LHFPL3: variants seen among roughly 807,000 people sequenced by gnomAD.
LHFPL3 encodes LHFPL tetraspan subfamily member 3 protein.
In LHFPL3, 5 loss-of-function variants were observed where a neutral mutation model predicts 19.3. The ratio of observed to expected loss-of-function variants is 0.26; its 90% CI spans 0.14 to 0.54. LHFPL3 has a LOEUF of 0.54. Among genes scored for constraint, LHFPL3 ranks in the 20% least tolerant of loss-of-function variants. LHFPL3 has a pLI of 0.94. For synonymous variants in LHFPL3, 133 were observed against 126.2 expected (o/e 1.05, Z -0.36); for missense variants, 249 against 307.4 (o/e 0.81, Z 1.42).
intron 1 of LHFPL3, among the ~76,000 whole-genome samples, chr7:104,685,346 A>T (rs1792784357): frequency 6.6e-6 from 1 of 152,230 alleles, no homozygotes; most frequent in Admixed American, 6.5e-5. Context: ...ATTCTGCTCA[A>T]GAGAAAAATA....
At position 104,855,644 on chromosome 7, in the gene LHFPL3, G is replaced by A. The variant is rs577648171; in HGVS notation, c.683-50543G>A. 2.4e-5 allele frequency among the ~76,000 whole-genome samples: 3 copies of A among 124,992 alleles called. No homozygotes were observed. The East Asian group carries it at 6.6e-4, about 27-fold the overall frequency. The allele number at this position is 124,992 out of a possible 152,430, so 82.0% of individuals were successfully genotyped here. On this transcript the variant is annotated intron_variant, in intron 2 of 2. Coordinates refer to ENST00000424859, the MANE Select transcript of LHFPL3 (RefSeq NM_199000.3). Reference sequence around the variant, plus strand: ...ATTTTTCTTTCTTTTTTTTTTTTTAGTCGGAGCCTCGCTCTGTCACCCAGT... The same window carrying A: ...ATTTTTCTTTCTTTTTTTTTTTTTAATCGGAGCCTCGCTCTGTCACCCAGT...
intron 1 of LHFPL3, among the ~76,000 whole-genome samples, chr7:104,523,474 A>G (rs1264123859): frequency 6.6e-6 from 1 of 152,204 alleles, no homozygotes; most frequent in Non-Finnish European, 1.5e-5. Context: ...TATATGAAGT[A>G]AAATACAATT....
At chr7:104,599,011 C>T (rs1790915895) in intron 1 of LHFPL3, among the ~76,000 whole-genome samples, 1 of 152,128 alleles carries the variant, frequency 6.6e-6, no homozygotes, top group Non-Finnish European at 1.5e-5. Flanking sequence ...TCTCTTAATT[C>T]CATTTTTCCA....
intron 1 of LHFPL3, among the ~76,000 whole-genome samples, chr7:104,658,973 T>C (rs1176830366): frequency 6.6e-6 from 1 of 152,186 alleles, no homozygotes; most frequent in Non-Finnish European, 1.5e-5. Flanking sequence ...CATTACTTTA[T>C]TAGATCCTCA....
chr7:104,483,465 T>G (rs1793176528), intron 1 of LHFPL3, among the ~76,000 whole-genome samples: 1 of 152,226 alleles, frequency 6.6e-6, no homozygotes, highest in Non-Finnish European at 1.5e-5. Flanking sequence ...TACATAGTTA[T>G]TTTTACTGTT....
intron 1 of LHFPL3, among the ~76,000 whole-genome samples, chr7:104,424,360 G>T (rs1791797101): frequency 6.6e-6 from 1 of 152,208 alleles, no homozygotes; most frequent in Non-Finnish European, 1.5e-5. Flanking sequence ...ACAGAAAGAA[G>T]AAAGGCCTTC....
chr7:104,559,549 G>A (rs1039243989), intron 1 of LHFPL3, among the ~76,000 whole-genome samples: 18 of 151,796 alleles, frequency 1.2e-4, no homozygotes, highest in Non-Finnish European at 1.9e-4. Flanking sequence ...AGACTTTGCT[G>A]AAGTTGCTTA....
At chr7:104,329,396 G>A (rs1801528074) in intron 1 of LHFPL3, among the ~76,000 whole-genome samples, 172 bp downstream of exon 1, 1 of 152,208 alleles carries the variant, frequency 6.6e-6, no homozygotes, top group Non-Finnish European at 1.5e-5. Context: ...AACCCCCGGG[G>A]TTCCCCAGCC....
chr7:104,585,467 G>C (rs1487281007), intron 1 of LHFPL3, among the ~76,000 whole-genome samples: 1 of 58,472 alleles, frequency 1.7e-5, no homozygotes, highest in Non-Finnish European at 4.0e-5. Flanking sequence ...AGTGGAATAA[G>C]GCAACACACA....
In LHFPL3 at chr7:104,906,502, G is replaced by A; in HGVS notation, c.*287G>A. The stretch of plus-strand genomic sequence containing the variant: ...AACGTTCATGAAAAATCATATTCAG[G>A]AAATAAGGAAGAGGAATATAAATGC... On this transcript the variant is annotated 3_prime_UTR_variant, in exon 3 of 3. Coordinates refer to ENST00000424859, the MANE Select transcript of LHFPL3 (RefSeq NM_199000.3). 2.3e-6 allele frequency: 1 copy of A among 432,880 alleles called. No homozygotes were observed. The highest frequency in any genetic ancestry group is 2.0e-5 in the African/African-American group (1 of 49,952). The allele number at this position is 432,880 out of a possible 1,614,324, so 26.8% of individuals were successfully genotyped here.
At chr7:104,590,497 T>A (rs1790688845) in intron 1 of LHFPL3, among the ~76,000 whole-genome samples, 1 of 152,226 alleles carries the variant, frequency 6.6e-6, no homozygotes, top group South Asian at 2.1e-4. Context: ...ATAATTTCTG[T>A]TCTTTTACAT....
At chr7:104,422,753 G>A (rs1451972355) in intron 1 of LHFPL3, among the ~76,000 whole-genome samples, 1 of 152,130 alleles carries the variant, frequency 6.6e-6, no homozygotes, top group African/African-American at 2.4e-5. Context: ...TACCAAAAAA[G>A]ATTCACAGAC....
At chr7:104,682,911 G>C (rs2116097994) in intron 1 of LHFPL3, among the ~76,000 whole-genome samples, 1 of 152,284 alleles carries the variant, frequency 6.6e-6, no homozygotes, top group Non-Finnish European at 1.5e-5. Flanking sequence ...AACACAAACT[G>C]CCACTGCTAG....
At chr7:104,851,339 G>T (rs1791411384) in intron 2 of LHFPL3, among the ~76,000 whole-genome samples, 1 of 152,188 alleles carries the variant, frequency 6.6e-6, no homozygotes, top group African/African-American at 2.4e-5. Context: ...CTCTGGGCTG[G>T]TTGGCTGGGC....
chr7:104,756,960 A>C (rs1794296707), intron 2 of LHFPL3, among the ~76,000 whole-genome samples: 2 of 152,216 alleles, frequency 1.3e-5, no homozygotes, highest in Admixed American at 6.5e-5. Context: ...AATATTTTTT[A>C]AATGTAACAT....
chr7:104,669,316 G>A, intron 1 of LHFPL3: 3 of 1,613,934 alleles, frequency 1.9e-6, no homozygotes, highest in South Asian at 2.2e-5. Flanking sequence ...AGGAAGGAAA[G>A]ATGAAAATAA....
intron 1 of LHFPL3, among the ~76,000 whole-genome samples, chr7:104,604,168 T>C (rs1391131409): frequency 6.6e-6 from 1 of 152,210 alleles, no homozygotes; most frequent in African/African-American, 2.4e-5. Flanking sequence ...GCTCATGCAC[T>C]CTGCAGATTG....
chr7:104,827,615 T>G (rs1294712111), intron 2 of LHFPL3, among the ~76,000 whole-genome samples: 2 of 151,670 alleles, frequency 1.3e-5, no homozygotes, highest in African/African-American at 4.9e-5. Flanking sequence ...TTGTTTTGTT[T>G]TTTTTTTTGA....
intron 1 of LHFPL3, among the ~76,000 whole-genome samples, chr7:104,552,509 G>C (rs929401180): frequency 6.6e-6 from 1 of 152,158 alleles, no homozygotes; most frequent in African/African-American, 2.4e-5. Context: ...GAAGGATTTA[G>C]ATTTCCTAGG....
Sources: gnomAD v4.1 joint callset for allele counts (sites outside exome capture counted in the v4.1 genomes callset) on GRCh38, gnomAD v4.1.1 for gene constraint, MANE v1.5 for transcripts, NCBI Gene and HGNC (gene_info 2026-07-23, HGNC 2026-07-21) for gene names.